The following SEL1L2 variants were observed in gnomAD, a reference collection of about 807,000 sequenced individuals.
The protein encoded by SEL1L2 is SEL1L2 adaptor subunit of SYVN1 ubiquitin ligase.
A neutral mutation model predicts 98.8 loss-of-function variants in SEL1L2; 89 were observed. That is an observed-to-expected ratio of 0.90 (90% CI 0.76 to 1.07). SEL1L2 has a LOEUF of 1.07. SEL1L2 is among the 50% of genes least tolerant of loss of function. The pLI, the probability that SEL1L2 is intolerant of heterozygous loss-of-function variation, is 0.00. For synonymous variants in SEL1L2, 262 were observed against 278.5 expected, an observed-to-expected ratio of 0.94 and a Z score of 0.59; for missense variants, 788 against 812.0, an observed-to-expected ratio of 0.97 and a Z score of 0.36.
At chr20:13,929,487 C>CTT (rs747948529) in intron 3 of SEL1L2, among the ~76,000 whole-genome samples, 51,336 of 73,170 alleles carry the variant, frequency 0.7, 23,020 homozygotes, top group Non-Finnish European at 0.77. Context: ...TTGCCTTTGC[C>CTT]TTTTTTTTTT....
Position 13,869,536 on chromosome 20 carries a change from C to T in SEL1L2, c.1222G>A (p.Asp408Asn), listed in dbSNP as rs373425656. 41 of 1,613,956 alleles carry T rather than the reference C, an allele frequency of 2.5e-5. No individual in the cohort carries two copies. The highest frequency in any genetic ancestry group is 3.4e-5 in the Non-Finnish European group (40 of 1,179,982). The change falls in exon 14 of 20, where the codon GAC becomes AAC. Residue 408 changes from aspartate to asparagine, a missense_variant. Coordinates refer to ENST00000284951, the MANE Select transcript of SEL1L2 (RefSeq NM_025229.2). ...ATGAAGCCTAACTGGAACTGTGCGT[C>T]GGGCCACCCTTTTTCCGCAGCTTTC... ...FQKAAEKGWPDAQFQLGFMYY... is the reference protein window; with the variant it reads ...FQKAAEKGWPNAQFQLGFMYY...
At chr20:13,919,787 G>A (rs183768514) in intron 3 of SEL1L2, among the ~76,000 whole-genome samples, 18 of 152,016 alleles carry the variant, frequency 1.2e-4, no homozygotes, top group African/African-American at 1.7e-4. Context: ...TTAGCCAGGC[G>A]TGGTGGCACA....
chr20:13,962,734 T>C (rs942388757), intron 1 of SEL1L2, among the ~76,000 whole-genome samples: 2 of 152,114 alleles, frequency 1.3e-5, no homozygotes, highest in South Asian at 2.1e-4. Context: ...AAATAAATCA[T>C]ACAGAATATA....
chr20:13,852,272 T>C (rs573356548), intron 18 of SEL1L2, among the ~76,000 whole-genome samples: 1 of 152,238 alleles, frequency 6.6e-6, no homozygotes, highest in Admixed American at 6.5e-5. Flanking sequence ...TAGTAAAAAA[T>C]AGTGAGAAAT....
chr20:13,931,657 T>G lies in SEL1L2; in HGVS notation c.229A>C (p.Ile77Leu). 1 of 1,511,162 alleles carries G rather than the reference T, an allele frequency of 6.6e-7. No individual in the cohort carries two copies. 93.6% of individuals were successfully genotyped at this position (1,511,162 alleles called of 1,614,324 possible). The change falls in exon 3 of 20, where the codon ATA (isoleucine) becomes CTA (leucine). Residue 77 changes from isoleucine (I) to leucine (L), a missense_variant. Ile to Leu is a conservative substitution (Grantham distance 5). Transcript: ENST00000284951. ...TTATTTTGAATTCCTTTTATTCTTA[T>G]TTTACGTTGATTCTTCTTTTTCTCC... ...LLEKKKNQRK[I>L]RIKGIQNKDI... is the part of the protein sequence containing the mutation.
At chr20:13,877,004 AG>A (rs2046463260) in intron 11 of SEL1L2, among the ~76,000 whole-genome samples, 1 of 151,894 alleles carries the variant, frequency 6.6e-6, no homozygotes, top group African/African-American at 2.4e-5. Flanking sequence ...TTGTAGTTTT[AG>A]TAGAGACGGG....
intron 3 of SEL1L2, chr20:13,928,261 C>A (rs959072010): frequency 5.9e-5 from 9 of 152,220 alleles, no homozygotes; most frequent in Admixed American, 4.6e-4. Flanking sequence ...CTCCCTAGTT[C>A]TGTAGGGCAA....
intron 3 of SEL1L2, among the ~76,000 whole-genome samples, chr20:13,931,266 G>A (rs1330484730): frequency 2.0e-5 from 3 of 151,758 alleles, no homozygotes; most frequent in Non-Finnish European, 2.9e-5. Flanking sequence ...TCCTGACCTC[G>A]TGATCTGCCC....
intron 19 of SEL1L2, 101 bp downstream of exon 19, chr20:13,850,090 C>T: frequency 7.3e-7 from 1 of 1,369,732 alleles, no homozygotes; most frequent in South Asian, 1.4e-5. Context: ...CAAAGGAAAG[C>T]CAGTCCACAA....
At chr20:13,878,653 A>G (rs933098837) in intron 10 of SEL1L2, among the ~76,000 whole-genome samples, 1 of 152,214 alleles carries the variant, frequency 6.6e-6, no homozygotes, top group African/African-American at 2.4e-5. Flanking sequence ...CTTTGTGGGC[A>G]TAAGTACAAA....
At chr20:13,974,812 A>G (rs1351124365) in intron 1 of SEL1L2, among the ~76,000 whole-genome samples, 1 of 152,034 alleles carries the variant, frequency 6.6e-6, no homozygotes, top group Admixed American at 6.6e-5. Context: ...CTTTCCTAGA[A>G]GTATTCTCTT....
chr20:13,964,877 T>A (rs931231745), intron 1 of SEL1L2, among the ~76,000 whole-genome samples: 2 of 152,202 alleles, frequency 1.3e-5, no homozygotes, highest in Non-Finnish European at 2.9e-5. Flanking sequence ...CCAGACATAT[T>A]TGCTTAGCTT....
At chr20:13,967,704 A>G (rs1338217341) in intron 1 of SEL1L2, among the ~76,000 whole-genome samples, 1 of 152,184 alleles carries the variant, frequency 6.6e-6, no homozygotes, top group Non-Finnish European at 1.5e-5. Context: ...TCTGAAGGAC[A>G]CAGCTTTTCT....
At chr20:13,855,251 A>G (rs911184372) in intron 18 of SEL1L2, among the ~76,000 whole-genome samples, 23 of 152,246 alleles carry the variant, frequency 1.5e-4, no homozygotes, top group African/African-American at 5.3e-4. Context: ...TAGAATCTAT[A>G]TAGGGCAAAG....
intron 2 of SEL1L2, among the ~76,000 whole-genome samples, chr20:13,938,076 T>C (rs1600832871): frequency 1.4e-5 from 2 of 145,412 alleles, no homozygotes; most frequent in Admixed American, 1.4e-4. Flanking sequence ...TTTTTCTTTT[T>C]TCTTTTCTTT....
chr20:13,870,146 G>T lies in SEL1L2; in HGVS notation c.1162C>A (p.Pro388Thr). 1.3e-6 allele frequency: 2 copies of T among 1,598,676 alleles called. No individual in the cohort carries two copies. Among genetic ancestry groups the T allele is most frequent in the African/African-American group, 1.3e-5 (1 of 74,558 alleles). The change falls in exon 13 of 20, where the codon CCC (proline) becomes ACC (threonine). Residue 388 changes from proline (P) to threonine (T), a missense_variant. Pro to Thr is a conservative substitution (Grantham distance 38, BLOSUM62 -1). Transcript: ENST00000284951. ...AATAAAATAATTTAACTTACCAGGG[G>T]AACTCCTTTTCCATGAAAGTAAAGA... Reference protein sequence around the residue: ...GLLYFHGKGVPLNYAEALKYF... With the variant: ...GLLYFHGKGVTLNYAEALKYF...
chr20:13,899,016 A>T (rs545630664), intron 5 of SEL1L2, among the ~76,000 whole-genome samples: 5 of 152,206 alleles, frequency 3.3e-5, no homozygotes, highest in Non-Finnish European at 7.3e-5. Context: ...TGCTGGGATT[A>T]CAGGCATGAG....
chr20:13,920,122 G>C (rs1275553034), intron 3 of SEL1L2, among the ~76,000 whole-genome samples: 1 of 150,674 alleles, frequency 6.6e-6, no homozygotes, highest in East Asian at 2.0e-4. Flanking sequence ...CAGTTACTTG[G>C]GAGGCTGAGA....
In SEL1L2 at chr20:13,908,572, T is replaced by C. The variant is rs1457937888; in HGVS notation, c.549+5210A>G. ...TGCTTCCTGGATGAGAAATGAGAAATAGAAAAATATATAACTTATCTACCT... is the reference window on the plus strand; with the variant it reads ...TGCTTCCTGGATGAGAAATGAGAAACAGAAAAATATATAACTTATCTACCT... On this transcript the variant is annotated intron_variant, in intron 5 of 19. Transcript: ENST00000284951. Among the ~76,000 whole-genome samples, 88 of 152,196 alleles carry C rather than the reference T, an allele frequency of 5.8e-4. 1 individual carries two copies. The highest frequency in any genetic ancestry group is 5.9e-5 in the Non-Finnish European group (4 of 68,018).
Sources: gnomAD v4.1 joint callset for allele counts (sites outside exome capture counted in the v4.1 genomes callset) on GRCh38, gnomAD v4.1.1 for gene constraint, MANE v1.5 for transcripts, NCBI Gene and HGNC (gene_info 2026-07-23, HGNC 2026-07-21) for gene names.